MELK: variants seen among roughly 807,000 people sequenced by gnomAD.
The protein encoded by MELK is pEg3 kinase.
Under a neutral mutation model 85.0 loss-of-function variants are expected in MELK, and 81 were observed. That is an observed-to-expected ratio of 0.95 (90% CI 0.80 to 1.15). MELK has a LOEUF of 1.15. Among genes scored for constraint, MELK ranks in the 50% most tolerant of loss-of-function variants. MELK has a pLI of 0.00. For missense variants in MELK, 754 were observed against 777.5 expected, an observed-to-expected ratio of 0.97 and a Z score of 0.36; for synonymous variants, 252 against 265.0, an observed-to-expected ratio of 0.95 and a Z score of 0.48.
chr9:36,666,159 A>G (rs1033037780), intron 14 of MELK, among the ~76,000 whole-genome samples: 4 of 152,130 alleles, frequency 2.6e-5, no homozygotes, highest in African/African-American at 7.2e-5. Context: ...TTCCTCTTCA[A>G]TTTAGTCATG....
chr9:36,665,964 C>T (rs1366692210), intron 14 of MELK, among the ~76,000 whole-genome samples: 2 of 152,082 alleles, frequency 1.3e-5, no homozygotes, highest in Non-Finnish European at 2.9e-5. Context: ...GCCCATTTAC[C>T]CCGACTTATG....
chr9:36,641,179 C>T (rs1037969908), intron 10 of MELK, among the ~76,000 whole-genome samples: 1 of 152,124 alleles, frequency 6.6e-6, no homozygotes, highest in Non-Finnish European at 1.5e-5. Flanking sequence ...AATAGGAATA[C>T]GCAAATTTCT....
At chr9:36,663,937 A>C (rs73439179) in intron 13 of MELK, among the ~76,000 whole-genome samples, 1 of 152,178 alleles carries the variant, frequency 6.6e-6, no homozygotes, top group Non-Finnish European at 1.5e-5. Context: ...CATTGTCCAT[A>C]CTATGTATAT....
At chr9:36,670,893 G>A (rs933275782) in intron 15 of MELK, 105 bp from the exon 16 acceptor site, 16 of 1,192,522 alleles carry the variant, frequency 1.3e-5, no homozygotes, top group Non-Finnish European at 1.6e-5. Context: ...TGGCATACCT[G>A]AGTGAGGCAT....
intron 8 of MELK, among the ~76,000 whole-genome samples, chr9:36,625,875 T>A (rs1827878167): frequency 6.6e-6 from 1 of 150,846 alleles, no homozygotes; most frequent in African/African-American, 2.5e-5. Context: ...GAGCGAAGAT[T>A]GTGCCGTGAG....
At chr9:36,602,676 C>T (rs1259273323) in intron 7 of MELK, among the ~76,000 whole-genome samples, 3 of 151,086 alleles carry the variant, frequency 2.0e-5, no homozygotes, top group Non-Finnish European at 4.4e-5. Flanking sequence ...TCTCCTGCCT[C>T]AGCCTCCAGA....
chr9:36,616,068 G>A (rs564229235), intron 8 of MELK, among the ~76,000 whole-genome samples: 1 of 152,168 alleles, frequency 6.6e-6, no homozygotes, highest in African/African-American at 2.4e-5. Flanking sequence ...TTCCCGGGCG[G>A]CGCTCGCCGG....
At position 36,677,406 on chromosome 9, in the gene MELK, C is replaced by A. The variant is rs1286089151; in HGVS notation, c.*69C>A. On this transcript the variant is annotated 3_prime_UTR_variant, in exon 18 of 18. Transcript: ENST00000298048. Reference sequence around the variant, plus strand: ...CAGCCTACATAAAGACTGTTATGATCGCTTTGATTTTAAAGTTCATTGGAA... The same window carrying A: ...CAGCCTACATAAAGACTGTTATGATAGCTTTGATTTTAAAGTTCATTGGAA... 2 of 1,381,308 alleles carry A rather than the reference C, an allele frequency of 1.4e-6. No individual in the cohort carries two copies. The highest frequency in any genetic ancestry group is 2.6e-5 in the East Asian group (1 of 39,128). The allele number at this position is 1,381,308 out of a possible 1,614,324, so 85.6% of individuals were successfully genotyped here.
At chr9:36,617,622 T>A (rs1327250308) in intron 8 of MELK, among the ~76,000 whole-genome samples, 1 of 152,248 alleles carries the variant, frequency 6.6e-6, no homozygotes, top group Non-Finnish European at 1.5e-5. Context: ...GCCCAGCCTG[T>A]CAATTTTTTA....
intron 8 of MELK, 47 bp downstream of exon 8, chr9:36,607,720 C>T (rs780089385): frequency 2.0e-5 from 24 of 1,229,404 alleles, no homozygotes; most frequent in East Asian, 4.7e-5. Flanking sequence ...TTTTCTATAC[C>T]GAATAGTATA....
chr9:36,615,518 CG>C (rs1224192082), intron 8 of MELK, among the ~76,000 whole-genome samples: 3 of 134,408 alleles, frequency 2.2e-5, no homozygotes, highest in South Asian at 2.3e-4. Context: ...CCCTCCCGGA[CG>C]GGGTGGCTGC....
intron 7 of MELK, chr9:36,606,938 C>T (rs1047080909): frequency 6.6e-6 from 1 of 152,054 alleles, no homozygotes; most frequent in African/African-American, 2.4e-5. Context: ...GCATGCGCCA[C>T]CATGCCCGGC....
intron 8 of MELK, among the ~76,000 whole-genome samples, chr9:36,610,407 C>G (rs550141672): frequency 6.6e-6 from 1 of 152,356 alleles, no homozygotes; most frequent in South Asian, 2.1e-4. Context: ...TGCAATAGTT[C>G]CAACTCCTTG....
At chr9:36,641,954 C>G (rs1324757489) in intron 10 of MELK, among the ~76,000 whole-genome samples, 1 of 152,100 alleles carries the variant, frequency 6.6e-6, no homozygotes, top group Admixed American at 6.6e-5. Flanking sequence ...TATTCCTCTG[C>G]TTCTCTTCCT....
chr9:36,589,849 C>T (rs1347125908), intron 4 of MELK, among the ~76,000 whole-genome samples, 197 bp downstream of exon 4: 1 of 151,852 alleles, frequency 6.6e-6, no homozygotes, highest in African/African-American at 2.4e-5. Flanking sequence ...CTAATACACC[C>T]CTAATGGGGT....
intron 9 of MELK, among the ~76,000 whole-genome samples, chr9:36,631,465 C>T (rs927674332): frequency 6.6e-6 from 1 of 151,696 alleles, no homozygotes; most frequent in African/African-American, 2.4e-5. Context: ...GGGGTTTCAC[C>T]ATGTTGTCCA....
intron 11 of MELK, among the ~76,000 whole-genome samples, chr9:36,650,877 G>C (rs1830642399): frequency 6.6e-6 from 1 of 152,220 alleles, no homozygotes; most frequent in African/African-American, 2.4e-5. Context: ...GCAGTTAGCA[G>C]ATGTGTGTGA....
intron 8 of MELK, among the ~76,000 whole-genome samples, chr9:36,620,904 T>C (rs1426866510): frequency 6.6e-6 from 1 of 151,880 alleles, no homozygotes; most frequent in African/African-American, 2.4e-5. Context: ...TAGTAACAGC[T>C]GTCCCTGCCA....
chr9:36,642,738 C>T (rs1367534717), intron 10 of MELK, among the ~76,000 whole-genome samples: 11 of 151,784 alleles, frequency 7.2e-5, no homozygotes, highest in South Asian at 2.1e-4. Context: ...ATTGTACAAC[C>T]GAACTTTAAC....
Sources: gnomAD v4.1 joint callset for allele counts (sites outside exome capture counted in the v4.1 genomes callset) on GRCh38, gnomAD v4.1.1 for gene constraint, MANE v1.5 for transcripts, NCBI Gene and HGNC (gene_info 2026-07-23, HGNC 2026-07-21) for gene names.